MRTFA: variants seen among roughly 807,000 people sequenced by gnomAD.
The protein encoded by MRTFA is myocardin related transcription factor A.
MRTFA carries 20 observed loss-of-function variants against 83.5 expected under a neutral mutation model. The observed-to-expected ratio is 0.24, with a 90% CI of 0.17 to 0.35. The LOEUF (loss-of-function observed/expected upper bound fraction) is 0.35. MRTFA is among the 10% of genes least tolerant of loss of function. The probability of loss-of-function intolerance (pLI) is 1.00; values close to 1 mark genes in which losing one functional copy is unlikely to be tolerated. For missense variants in MRTFA, 1,200 were observed against 1,224.7 expected, an observed-to-expected ratio of 0.98 and a Z score of 0.30; for synonymous variants, 659 against 541.2, an observed-to-expected ratio of 1.22 and a Z score of -3.02.
intron 3 of MRTFA, among the ~76,000 whole-genome samples, chr22:40,549,759 A>T (rs965093172): frequency 6.6e-6 from 1 of 152,200 alleles, no homozygotes; most frequent in African/African-American, 2.4e-5. Flanking sequence ...CATCAAAAAA[A>T]TTAGATTGAG....
chr22:40,446,747 A>G (rs1461214354), intron 4 of MRTFA, among the ~76,000 whole-genome samples: 1 of 152,192 alleles, frequency 6.6e-6, no homozygotes, highest in African/African-American at 2.4e-5. Context: ...CAGATTAAAG[A>G]GTGAATAAGA....
At chr22:40,466,299 G>A (rs2053811801) in intron 3 of MRTFA, among the ~76,000 whole-genome samples, 1 of 152,172 alleles carries the variant, frequency 6.6e-6, no homozygotes, top group Non-Finnish European at 1.5e-5. Context: ...TGACTGTCAT[G>A]CTTTTAACTT....
chr22:40,450,285 C>A (rs1207682516), intron 4 of MRTFA, among the ~76,000 whole-genome samples: 1 of 152,078 alleles, frequency 6.6e-6, no homozygotes, highest in African/African-American at 2.4e-5. Flanking sequence ...TCTGATGTAC[C>A]AAAGGGTTAT....
At chr22:40,511,118 G>A (rs1335899588) in intron 3 of MRTFA, among the ~76,000 whole-genome samples, 1 of 152,178 alleles carries the variant, frequency 6.6e-6, no homozygotes, top group Non-Finnish European at 1.5e-5. Flanking sequence ...GATTGGAGGA[G>A]AGTTGAACTA....
chr22:40,480,605 T>C lies in MRTFA; in HGVS notation c.242-17319A>G, dbSNP rs181563369. 8.9e-4 allele frequency among the ~76,000 whole-genome samples: 135 copies of C among 152,244 alleles called. 1 individual carries two copies. In the Middle Eastern group the frequency reaches 0.02, roughly 23 times the overall value. On this transcript the variant is annotated intron_variant, in intron 3 of 14. Coordinates refer to ENST00000355630, the MANE Select transcript of MRTFA (RefSeq NM_020831.6). ...ACTGAAAACAATGCTTATGTTCTAA[T>C]TCCAAAAGGAATCGAGATTTTAACA...
At chr22:40,564,539 T>C (rs776540253) in intron 2 of MRTFA, among the ~76,000 whole-genome samples, 1 of 152,194 alleles carries the variant, frequency 6.6e-6, no homozygotes, top group Non-Finnish European at 1.5e-5. Context: ...TCACCATCCT[T>C]CTGATTCCTA....
intron 1 of MRTFA, among the ~76,000 whole-genome samples, chr22:40,601,186 A>C (rs1423517648): frequency 2.6e-5 from 4 of 152,124 alleles, no homozygotes; most frequent in Admixed American, 6.6e-5. Flanking sequence ...TGCAAAGCAA[A>C]ACCCACTTTA....
At chr22:40,437,673 G>T (rs2053197044) in intron 4 of MRTFA, among the ~76,000 whole-genome samples, 1 of 150,464 alleles carries the variant, frequency 6.6e-6, no homozygotes, top group Non-Finnish European at 1.5e-5. Flanking sequence ...TGAGGCAGGA[G>T]AATCACTTGA....
At position 40,411,860 on chromosome 22, in the gene MRTFA, TCTC is replaced by T. The variant is rs1002869245; in HGVS notation, c.2623_2625del (p.Glu875del). On this transcript the variant is annotated inframe_deletion, in exon 15 of 15. Coordinates refer to ENST00000355630, the MANE Select transcript of MRTFA (RefSeq NM_020831.6). Reference sequence around the variant, plus strand: ...CCACAGACTGTCTTCGGGGATGGCTTCTCCTTCCCTGGCAGGGATGGCGGCTCC... The same window carrying T: ...CCACAGACTGTCTTCGGGGATGGCTTCTTCCCTGGCAGGGATGGCGGCTCC... The T allele has an allele frequency of 6.0e-6, 9 of 1,488,520 alleles. No individual in the cohort carries two copies. The highest frequency in any genetic ancestry group is 5.6e-5 in the African/African-American group (4 of 70,946). 92.2% of individuals were successfully genotyped at this position (1,488,520 alleles called of 1,614,324 possible).
chr22:40,494,679 TA>T (rs35391015), intron 3 of MRTFA, among the ~76,000 whole-genome samples: 857 of 136,830 alleles, frequency 6.3e-3, no homozygotes, highest in Admixed American at 0.014. Context: ...AGACTCTGTC[TA>T]AAAAAAAAAA....
At chr22:40,485,658 T>C (rs548892318) in intron 3 of MRTFA, among the ~76,000 whole-genome samples, 3 of 152,228 alleles carry the variant, frequency 2.0e-5, no homozygotes, top group African/African-American at 4.8e-5. Flanking sequence ...TATTCCTAGA[T>C]GGAAGGTTTA....
intron 6 of MRTFA, among the ~76,000 whole-genome samples, chr22:40,430,913 G>A (rs1237036991): frequency 1.4e-5 from 2 of 148,114 alleles, no homozygotes; most frequent in Admixed American, 6.7e-5. Flanking sequence ...GGAAAGACAT[G>A]TGCAGCTGGG....
At chr22:40,413,848 C>A (rs959466836) in intron 14 of MRTFA, among the ~76,000 whole-genome samples, 4 of 152,194 alleles carry the variant, frequency 2.6e-5, no homozygotes, top group African/African-American at 9.7e-5. Context: ...AGATGTTCCA[C>A]GTCACTAAAT....
At chr22:40,533,156 T>TTA (rs1159818264) in intron 3 of MRTFA, among the ~76,000 whole-genome samples, 1 of 152,056 alleles carries the variant, frequency 6.6e-6, no homozygotes, top group East Asian at 1.9e-4. Flanking sequence ...TACAGAAAGG[T>TTA]TATACCACAA....
intron 4 of MRTFA, among the ~76,000 whole-genome samples, chr22:40,439,280 A>G (rs1056377460): frequency 5.9e-5 from 9 of 152,166 alleles, no homozygotes; most frequent in African/African-American, 2.2e-4. Flanking sequence ...AGGCAGGTCT[A>G]TCACCTGAGG....
At chr22:40,555,576 A>T (rs1283818498) in intron 2 of MRTFA, among the ~76,000 whole-genome samples, 2 of 149,972 alleles carry the variant, frequency 1.3e-5, no homozygotes, top group African/African-American at 2.4e-5. Context: ...CTCATAAATT[A>T]AAAAAAATTT....
intron 5 of MRTFA, chr22:40,433,217 G>A: frequency 6.1e-6 from 1 of 164,236 alleles, no homozygotes; most frequent in South Asian, 1.8e-4. Flanking sequence ...AGGGTATAAG[G>A]TCTCTGATGG....
intron 9 of MRTFA, among the ~76,000 whole-genome samples, chr22:40,422,160 G>GGC (rs1483969645): frequency 2.6e-5 from 4 of 151,898 alleles, no homozygotes; most frequent in Non-Finnish European, 5.9e-5. Flanking sequence ...CAGAGGCAGA[G>GGC]AGGAGGCAGA....
intron 4 of MRTFA, among the ~76,000 whole-genome samples, chr22:40,459,127 A>G (rs56253436): frequency 0.05 from 7,363 of 147,182 alleles, 314 homozygotes; most frequent in Non-Finnish European, 0.071. Flanking sequence ...GATTAGTGGG[A>G]GTCAGCAGGA....
Sources: gnomAD v4.1 joint callset for allele counts (sites outside exome capture counted in the v4.1 genomes callset) on GRCh38, gnomAD v4.1.1 for gene constraint, MANE v1.5 for transcripts, NCBI Gene and HGNC (gene_info 2026-07-23, HGNC 2026-07-21) for gene names.